The following IMMT variants were observed in gnomAD, a reference collection of about 807,000 sequenced individuals.
IMMT encodes inner membrane mitochondrial protein.
A neutral mutation model predicts 92.7 loss-of-function variants in IMMT; 40 were observed. The observed-to-expected ratio is 0.43, with a 90% CI of 0.34 to 0.56. IMMT has a LOEUF of 0.56. Ranked by LOEUF, IMMT falls within the 20% of genes least tolerant of loss-of-function variation. IMMT has a pLI of 0.03. For missense variants in IMMT, 831 were observed against 912.1 expected (o/e 0.91, Z 1.14); for synonymous variants, 322 against 336.1 (o/e 0.96, Z 0.46).
chr2:86,166,052 C>A (rs1166387238), intron 7 of IMMT, among the ~76,000 whole-genome samples: 1 of 152,166 alleles, frequency 6.6e-6, no homozygotes, highest in Non-Finnish European at 1.5e-5. Flanking sequence ...TACTCTAAGG[C>A]CAAGCACAGT....
At chr2:86,167,264 C>T (rs1222340645) in intron 6 of IMMT, among the ~76,000 whole-genome samples, 2 of 143,898 alleles carry the variant, frequency 1.4e-5, no homozygotes, top group African/African-American at 5.1e-5. Flanking sequence ...CTCCGCCTCC[C>T]GGGTTCACGC....
chr2:86,184,015 G>A (rs540031899), intron 1 of IMMT, among the ~76,000 whole-genome samples: 14 of 152,158 alleles, frequency 9.2e-5, no homozygotes, highest in East Asian at 3.9e-4. Flanking sequence ...AATTTGCCAC[G>A]TTGATTAATA....
At chr2:86,161,638 C>G (rs1396773280) in intron 8 of IMMT, among the ~76,000 whole-genome samples, 1 of 151,140 alleles carries the variant, frequency 6.6e-6, no homozygotes, top group African/African-American at 2.4e-5. Context: ...CTCAGCCTCT[C>G]GAGTAGCTGG....
rs768090678 is a variant in IMMT, at chr2:86,170,861, A to G, written c.560-17T>C. ...ATGCTTCTTCTTGCAGCAAAAGTAA[A>G]TAAGAGGAAATCAAATTTCAGCATA... On this transcript the variant is annotated splice_polypyrimidine_tract_variant and intron_variant, in intron 5 of 14. Transcript: ENST00000410111. 2.5e-5 allele frequency: 38 copies of G among 1,532,982 alleles called. No individual in the cohort carries two copies. In the Admixed American group the frequency reaches 3.1e-4, roughly 13 times the overall value. The allele number at this position is 1,532,982 out of a possible 1,614,324, so 95.0% of individuals were successfully genotyped here.
intron 7 of IMMT, among the ~76,000 whole-genome samples, chr2:86,162,609 G>A (rs1479518394): frequency 2.6e-5 from 4 of 152,100 alleles, no homozygotes; most frequent in Non-Finnish European, 4.4e-5. Flanking sequence ...ACTTCGGGAG[G>A]CTGAGACCAG....
At chr2:86,194,467 CT>C (rs1573961672) in intron 1 of IMMT, among the ~76,000 whole-genome samples, 1 of 152,190 alleles carries the variant, frequency 6.6e-6, no homozygotes, top group East Asian at 1.9e-4. Flanking sequence ...CAAAGCTTGA[CT>C]TTTATGATCT....
chr2:86,158,585 T>C lies in IMMT; in HGVS notation c.1162+7A>G, dbSNP rs1435670361. On this transcript the variant is annotated splice_region_variant and intron_variant, in intron 10 of 14. Transcript: ENST00000410111. ...CAAAAAAAAAACATTACTTCAGTTG[T>C]ACTCACTCATTCCTTTCCACCCAGG... 6 of 1,594,084 alleles carry C rather than the reference T, an allele frequency of 3.8e-6. No homozygotes were observed. The highest frequency in any genetic ancestry group is 4.3e-6 in the Non-Finnish European group (5 of 1,168,138).
intron 1 of IMMT, among the ~76,000 whole-genome samples, chr2:86,190,515 A>G (rs966771539): frequency 6.6e-6 from 1 of 152,238 alleles, no homozygotes; most frequent in African/African-American, 2.4e-5. Flanking sequence ...TCCAAACTCA[A>G]TGACCACTTC....
intron 7 of IMMT, 53 bp from the exon 8 acceptor site, chr2:86,162,132 A>G: frequency 5.4e-6 from 6 of 1,107,120 alleles, no homozygotes; most frequent in East Asian, 2.7e-5. Flanking sequence ...TTGTCATATG[A>G]TAGGCCAACA....
At chr2:86,173,856 C>G (rs1174765121) in intron 3 of IMMT, 95 bp from the exon 4 acceptor site, 1 of 654,062 alleles carries the variant, frequency 1.5e-6, no homozygotes, top group African/African-American at 1.8e-5. Context: ...GTCTTTCAGG[C>G]TTTTAACATA....
chr2:86,158,460 A>T, intron 10 of IMMT, 132 bp downstream of exon 10: 1 of 663,428 alleles, frequency 1.5e-6, no homozygotes, highest in Non-Finnish European at 2.5e-6. Flanking sequence ...TGGTTAAAAT[A>T]AAACGCTGTA....
Position 86,146,068 on chromosome 2 carries a change from T to A in IMMT, c.1663A>T (p.Ser555Cys). The change falls in exon 14 of 15, where the codon AGC (serine) becomes TGC (cysteine). Residue 555 changes from serine to cysteine, a missense_variant and splice_region_variant. Coordinates refer to ENST00000410111, the MANE Select transcript of IMMT (RefSeq NM_006839.3). ...TAAGATAAACATAGCTTATGCTTAC[T>A]CTGAACAGCCTGTTCGATTCCTCTG... Reference protein sequence around the residue: ...RLRGIEQAVQSHAVAEEEARK... With the variant: ...RLRGIEQAVQCHAVAEEEARK... 1 of 1,565,382 alleles carries A rather than the reference T, an allele frequency of 6.4e-7. No individual in the cohort carries two copies. Among genetic ancestry groups the A allele is most frequent in the Non-Finnish European group, 8.7e-7 (1 of 1,150,156 alleles).
intron 4 of IMMT, 149 bp from the exon 5 acceptor site, chr2:86,171,494 A>G: frequency 1.4e-6 from 1 of 710,982 alleles, no homozygotes; most frequent in Non-Finnish European, 2.5e-6. Flanking sequence ...ATAACACACA[A>G]ACAGGGGCAC....
chr2:86,152,884 TAATA>T (rs1675579315), intron 11 of IMMT, among the ~76,000 whole-genome samples: 1 of 152,204 alleles, frequency 6.6e-6, no homozygotes, highest in Non-Finnish European at 1.5e-5. Flanking sequence ...CTCAATTTCT[TAATA>T]AATACATTGA....
chr2:86,191,444 A>C (rs1673111007), intron 1 of IMMT, among the ~76,000 whole-genome samples: 1 of 152,068 alleles, frequency 6.6e-6, no homozygotes, highest in Admixed American at 6.5e-5. Flanking sequence ...ATTCTCTAGC[A>C]GACTGCCTCC....
In IMMT at chr2:86,187,643, G is replaced by T. The variant is rs182234701; in HGVS notation, c.46-6271C>A. On this transcript the variant is annotated intron_variant, in intron 1 of 14. Transcript: ENST00000410111. Reference sequence around the variant, plus strand: ...TACTGAGACACAGCCAGGCTCAGTCGCTCACGCCTGTAATCCCAGCACTTT... The same window carrying T: ...TACTGAGACACAGCCAGGCTCAGTCTCTCACGCCTGTAATCCCAGCACTTT... Among the ~76,000 whole-genome samples the T allele has an allele frequency of 1.5e-3, 231 of 152,184 alleles. 2 individuals carry two copies. The highest frequency in any genetic ancestry group is 5.4e-3 in the African/African-American group (223 of 41,530).
Position 86,165,426 on chromosome 2 carries a change from T to C in IMMT, c.792+1082A>G, listed in dbSNP as rs558517139. Among the ~76,000 whole-genome samples, 34 of 152,356 alleles carry C rather than the reference T, an allele frequency of 2.2e-4. 1 individual carries two copies. Among genetic ancestry groups the C allele is most frequent in the African/African-American group, 8.2e-4 (34 of 41,588 alleles). On this transcript the variant is annotated intron_variant, in intron 7 of 14. Coordinates refer to ENST00000410111, the MANE Select transcript of IMMT (RefSeq NM_006839.3). ...GGAATTTTCCTTAAAATTTCAAAGG[T>C]TGTAGTTTCTTGCTACTAACATCAG...
chr2:86,195,059 T>C (rs1235043447), intron 1 of IMMT: 3 of 391,854 alleles, frequency 7.7e-6, no homozygotes, highest in Non-Finnish European at 1.4e-5. Context: ...GGATTGGTCC[T>C]GGACGGGGGC....
intron 1 of IMMT, among the ~76,000 whole-genome samples, chr2:86,192,485 A>ATTCTTTCAT (rs1673202839): frequency 1.3e-5 from 2 of 152,234 alleles, no homozygotes; most frequent in Non-Finnish European, 2.9e-5. Flanking sequence ...GAACACATTC[A>ATTCTTTCAT]TTCTTTCATT....
Sources: allele counts gnomAD v4.1 joint callset (sites outside exome capture counted in the v4.1 genomes callset), GRCh38; gene constraint gnomAD v4.1.1; transcripts MANE v1.5; gene names NCBI Gene and HGNC (gene_info 2026-07-23, HGNC 2026-07-21).